Variants in GALNT13 observed in about 807,000 individuals in gnomAD.
The protein encoded by GALNT13 is UDP-GalNAc:polypeptide N-acetylgalactosaminyltransferase 13.
A neutral mutation model predicts 64.2 loss-of-function variants in GALNT13; 28 were observed. That is an observed-to-expected ratio of 0.44 (90% confidence interval 0.32 to 0.60). The LOEUF (loss-of-function observed/expected upper bound fraction) is 0.60. Among genes scored for constraint, GALNT13 ranks in the 20% least tolerant of loss-of-function variants. The pLI is 0.05. For missense variants in GALNT13, 577 were observed against 669.8 expected, an observed-to-expected ratio of 0.86 and a Z score of 1.53; for synonymous variants, 214 against 224.6, an observed-to-expected ratio of 0.95 and a Z score of 0.42.
chr2:153,983,833 A>G (rs1461397416), intron 3 of GALNT13, among the ~76,000 whole-genome samples: 1 of 151,942 alleles, frequency 6.6e-6, no homozygotes, highest in African/African-American at 2.4e-5. Context: ...CCATACTGGC[A>G]TTTTCAATAA....
At chr2:153,478,497 C>G in the GALNT13 span, 2 of 1,611,104 alleles carry the variant, frequency 1.2e-6, no homozygotes, top group Non-Finnish European at 1.7e-6. Context: ...CGGCTCGCTC[C>G]AGCGCCTCGC....
intron 8 of GALNT13, among the ~76,000 whole-genome samples, chr2:154,290,058 G>T (rs1383115285): frequency 6.6e-6 from 1 of 152,170 alleles, no homozygotes; most frequent in Non-Finnish European, 1.5e-5. Context: ...CTTGGGTAAA[G>T]GCTATAAAAG....
At chr2:153,976,503 A>G (rs1337226456) in intron 3 of GALNT13, among the ~76,000 whole-genome samples, 8 of 152,128 alleles carry the variant, frequency 5.3e-5, no homozygotes, top group Non-Finnish European at 2.9e-5. Context: ...CCAATTAGGT[A>G]TTAGTTTATC....
At chr2:154,186,049 A>T (rs780222000) in intron 4 of GALNT13, among the ~76,000 whole-genome samples, 3 of 152,166 alleles carry the variant, frequency 2.0e-5, no homozygotes, top group Non-Finnish European at 4.4e-5. Context: ...AGCATCACCA[A>T]TCTCATCAGA....
intron 3 of GALNT13, among the ~76,000 whole-genome samples, chr2:154,116,172 A>G (rs184560308): frequency 1.9e-3 from 293 of 152,224 alleles, no homozygotes; most frequent in African/African-American, 6.3e-3. Context: ...TGCCACTACT[A>G]GGGATGGGGA....
intron 4 of GALNT13, among the ~76,000 whole-genome samples, chr2:154,238,166 G>C (rs1334980979): frequency 6.6e-6 from 1 of 151,940 alleles, no homozygotes; most frequent in East Asian, 1.9e-4. Context: ...GGACTTTATA[G>C]TACCAAGGAA....
intron 8 of GALNT13, among the ~76,000 whole-genome samples, chr2:154,268,063 A>G (rs1361454284): frequency 2.0e-5 from 3 of 152,226 alleles, no homozygotes; most frequent in Admixed American, 6.5e-5. Context: ...AAACAGTTTT[A>G]GTACTTTTTA....
In GALNT13 at chr2:153,936,129, A is replaced by G. The variant is rs143833782; in HGVS notation, c.-104-8265A>G. ...TGCAGTTTCTGCATTCGCAGATTCA[A>G]GTAACCTTGGATTGAAAATATTTGT... On this transcript the variant is annotated intron_variant, in intron 2 of 12. Coordinates refer to ENST00000392825, the MANE Select transcript of GALNT13 (RefSeq NM_052917.4). Among the ~76,000 whole-genome samples the G allele has an allele frequency of 4.7e-3, 711 of 152,354 alleles. 5 individuals carry two copies. The highest frequency in any genetic ancestry group is 0.016 in the African/African-American group (656 of 41,602).
the GALNT13 span, among the ~76,000 whole-genome samples, chr2:153,525,097 C>T: frequency 2.0e-5 from 3 of 152,300 alleles, no homozygotes; most frequent in African/African-American, 7.2e-5. Flanking sequence ...CCATGGGGCT[C>T]CTCTTTCAGG....
intron 4 of GALNT13, among the ~76,000 whole-genome samples, chr2:154,222,532 G>A (rs186476180): frequency 6.6e-6 from 1 of 152,012 alleles, no homozygotes; most frequent in Non-Finnish European, 1.5e-5. Context: ...TATTCCTTTT[G>A]TTTTTAATCT....
chr2:153,069,805 C>A, the GALNT13 span, among the ~76,000 whole-genome samples: 2 of 152,242 alleles, frequency 1.3e-5, no homozygotes, highest in African/African-American at 4.8e-5. Flanking sequence ...TTGAAACTGG[C>A]AGGCACATTT....
the GALNT13 span, among the ~76,000 whole-genome samples, chr2:153,231,566 A>G: frequency 1.3e-5 from 2 of 152,222 alleles, no homozygotes; most frequent in African/African-American, 4.8e-5. Context: ...TATACTCATA[A>G]CAGCATAGAT....
the GALNT13 span, among the ~76,000 whole-genome samples, chr2:153,736,533 T>C: frequency 6.6e-6 from 1 of 152,212 alleles, no homozygotes; most frequent in Non-Finnish European, 1.5e-5. Flanking sequence ...CCTTGTGCCC[T>C]GTCAATGCAC....
the GALNT13 span, among the ~76,000 whole-genome samples, chr2:153,300,042 T>G: frequency 6.6e-6 from 1 of 152,230 alleles, no homozygotes; most frequent in South Asian, 2.1e-4. Flanking sequence ...GTTCTAGAGC[T>G]CAGAAGGGCC....
At chr2:153,939,767 T>C (rs931599560) in intron 2 of GALNT13, among the ~76,000 whole-genome samples, 1 of 152,182 alleles carries the variant, frequency 6.6e-6, no homozygotes, top group East Asian at 1.9e-4. Flanking sequence ...CTAATCTATA[T>C]TGAGTTCTTA....
At chr2:154,168,671 AT>A (rs375519443) in intron 4 of GALNT13, among the ~76,000 whole-genome samples, 1,497 of 75,878 alleles carry the variant, frequency 0.02, 37 homozygotes, top group East Asian at 0.046. Flanking sequence ...CATCTCTACT[AT>A]TAAAAAAAAA....
chr2:153,511,232 A>T, the GALNT13 span, among the ~76,000 whole-genome samples: 1 of 152,004 alleles, frequency 6.6e-6, no homozygotes, highest in Non-Finnish European at 1.5e-5. Context: ...TAGGAGAAAG[A>T]AGAAATTTCT....
At chr2:154,192,452 A>G (rs1452218052) in intron 4 of GALNT13, among the ~76,000 whole-genome samples, 1 of 152,154 alleles carries the variant, frequency 6.6e-6, no homozygotes, top group East Asian at 1.9e-4. Flanking sequence ...TGTATCACCT[A>G]CATGGACCAT....
At chr2:153,738,296 T>A in the GALNT13 span, among the ~76,000 whole-genome samples, 1 of 152,018 alleles carries the variant, frequency 6.6e-6, no homozygotes, top group East Asian at 1.9e-4. Context: ...ACATTTTCCA[T>A]GTTTTATTGA....
Sources: allele counts gnomAD v4.1 joint callset (sites outside exome capture counted in the v4.1 genomes callset), GRCh38; gene constraint gnomAD v4.1.1; transcripts MANE v1.5; gene names NCBI Gene and HGNC (gene_info 2026-07-23, HGNC 2026-07-21).